Variants in EP400 observed in about 807,000 individuals in gnomAD.
EP400 encodes E1A binding protein p400.
In EP400, 105 loss-of-function variants were observed where a neutral mutation model predicts 354.1. The ratio of observed to expected loss-of-function variants is 0.30; its 90% CI spans 0.25 to 0.35. The LOEUF (loss-of-function observed/expected upper bound fraction) is 0.35, where lower values mean the gene tolerates loss of function less well. Ranked by LOEUF, EP400 falls within the 10% of genes least tolerant of loss-of-function variation. The probability of loss-of-function intolerance (pLI) is 1.00; values close to 1 mark genes in which losing one functional copy is unlikely to be tolerated. For synonymous variants in EP400, 1,646 were observed against 1,716.9 expected, an observed-to-expected ratio of 0.96 and a Z score of 1.02; for missense variants, 3,280 against 4,121.0, an observed-to-expected ratio of 0.80 and a Z score of 5.59.
rs1050319881 is a variant in EP400, at chr12:132,027,845, A to G, written c.5110-172A>G. Among the ~76,000 whole-genome samples, 1 of 151,798 alleles carries G rather than the reference A, an allele frequency of 6.6e-6. No individual in the cohort carries two copies. The highest frequency in any genetic ancestry group is 2.4e-5 in the African/African-American group (1 of 41,282). ...TGCTCTCGGCTTCATTTCCATCTCT[A>G]TTTCCTGTAGCTCTCGGCTTCATTT... is the stretch of plus-strand genomic sequence containing the variant. On this transcript the variant is annotated intron_variant, in intron 26 of 52. Transcript: ENST00000389561. This position sits in a 1 kb window ranked among gnomAD's most constrained non-coding sequence, Gnocchi z 4.9.
chr12:132,069,804 T>G (rs1004508850), intron 51 of EP400, among the ~76,000 whole-genome samples, 163 bp downstream of exon 51: 1 of 152,136 alleles, frequency 6.6e-6, no homozygotes, highest in Non-Finnish European at 1.5e-5. Flanking sequence ...CCCCTCTGGC[T>G]CCTGGGAAGG....
intron 15 of EP400, among the ~76,000 whole-genome samples, chr12:132,007,939 C>A (rs1376885547): frequency 9.7e-6 from 1 of 103,084 alleles, no homozygotes; most frequent in African/African-American, 4.0e-5. Context: ...GTCCCTTCAC[C>A]TCCAGCGAGG....
chr12:132,013,346 G>T lies in EP400; in HGVS notation c.3612-144G>T. 1 of 1,388,528 alleles carries T rather than the reference G, an allele frequency of 7.2e-7. No homozygotes were observed. The highest frequency in any genetic ancestry group is 2.3e-5 in the East Asian group (1 of 42,788). 86.0% of individuals were successfully genotyped at this position (1,388,528 alleles called of 1,614,324 possible). ...CAGAGAGCCCCAGAGCTGGGTCAGTGCAGCCCCCCTTTTCAGGCATGTGCA... is the reference window on the plus strand; with the variant it reads ...CAGAGAGCCCCAGAGCTGGGTCAGTTCAGCCCCCCTTTTCAGGCATGTGCA... On this transcript the variant is annotated intron_variant, in intron 17 of 52. Transcript: ENST00000389561. This position sits in a 1 kb window ranked among gnomAD's most constrained non-coding sequence, Gnocchi z 4.5.
At chr12:132,002,727 C>T (rs1045005900) in intron 12 of EP400, among the ~76,000 whole-genome samples, 8 of 152,216 alleles carry the variant, frequency 5.3e-5, no homozygotes, top group South Asian at 4.1e-4. Flanking sequence ...AAGTCACCTA[C>T]GGTCATTCTC....
In EP400 at chr12:131,971,134, G is replaced by T. The variant is rs570381521; in HGVS notation, c.1336-8560G>T. ...CGGGAAGATCGCTTGAGCCCAGGAG[G>T]TTGAGGCTGCAGTGAGCTGTGATTG... On this transcript the variant is annotated intron_variant, in intron 2 of 52. Transcript: ENST00000389561. Among the ~76,000 whole-genome samples the T allele has an allele frequency of 5.0e-4, 76 of 152,212 alleles. 1 individual carries two copies. Among genetic ancestry groups the T allele is most frequent in the African/African-American group, 1.8e-3 (74 of 41,528 alleles).
At chr12:132,041,665 G>C (rs1894914537) in intron 32 of EP400, among the ~76,000 whole-genome samples, 1 of 152,180 alleles carries the variant, frequency 6.6e-6, no homozygotes, top group African/African-American at 2.4e-5. Flanking sequence ...TGCAATTCAG[G>C]CTGCTTATGT....
At position 132,028,683 on chromosome 12, in the gene EP400, C is replaced by T. The variant is rs118032974; in HGVS notation, c.5381+395C>T. Among the ~76,000 whole-genome samples the T allele has an allele frequency of 4.3e-4, 66 of 152,286 alleles. No homozygotes were observed. In the East Asian group the frequency reaches 9.1e-3, roughly 21 times the overall value. On this transcript the variant is annotated intron_variant, in intron 27 of 52. Transcript: ENST00000389561. The stretch of plus-strand genomic sequence containing the variant: ...ATGTGGGCAGGAGTTGATCTCAGAA[C>T]GTGCTTTAATGGAGAGCAAATCTGA...
Position 132,018,398 on chromosome 12 carries a change from C to A in EP400, c.4277+22C>A. The A allele has an allele frequency of 6.3e-7, 1 of 1,575,774 alleles. No individual in the cohort carries two copies. Among genetic ancestry groups the A allele is most frequent in the South Asian group, 1.2e-5 (1 of 85,532 alleles). ...GCAGGTGCGTGCGACCCAGAGGCAG[C>A]GGGGAGGGTTGGCTCCCAGGGCCCC... On this transcript the variant is annotated intron_variant, in intron 21 of 52. Coordinates refer to ENST00000389561, the MANE Select transcript of EP400 (RefSeq NM_015409.5). The surrounding 1 kb of genome is among the most constrained non-coding windows in gnomAD (Gnocchi z 4.0).
At chr12:131,985,085 A>G (rs114320867) in intron 5 of EP400, among the ~76,000 whole-genome samples, 2,351 of 152,130 alleles carry the variant, frequency 0.015, 62 homozygotes, top group African/African-American at 0.053. Context: ...GAAACTCCTA[A>G]CCTCAACTAA....
chr12:132,048,102 A>T (rs1027173578), intron 39 of EP400, among the ~76,000 whole-genome samples: 1 of 152,186 alleles, frequency 6.6e-6, no homozygotes, highest in Non-Finnish European at 1.5e-5. Context: ...CCCAGATTTC[A>T]TATTGTTCAA....
At chr12:132,021,678 C>G (rs530387648) in intron 23 of EP400, among the ~76,000 whole-genome samples, 1 of 152,190 alleles carries the variant, frequency 6.6e-6, no homozygotes, top group African/African-American at 2.4e-5. Flanking sequence ...GCAGATGCTC[C>G]TAGAGTGACA....
chr12:132,051,708 A>G (rs1211222932), intron 41 of EP400, among the ~76,000 whole-genome samples: 1 of 152,224 alleles, frequency 6.6e-6, no homozygotes, highest in Non-Finnish European at 1.5e-5. Context: ...GAAGCACAGC[A>G]TCACAGGGAG....
chr12:132,042,852 C>T (rs1281359532), intron 32 of EP400, among the ~76,000 whole-genome samples: 2 of 152,184 alleles, frequency 1.3e-5, no homozygotes, highest in African/African-American at 4.8e-5. Context: ...GGACTTGCTC[C>T]GGCTGCTGTA....
chr12:132,038,439 C>T lies in EP400; in HGVS notation c.6207+343C>T, dbSNP rs1894787739. Among the ~76,000 whole-genome samples the T allele has an allele frequency of 6.6e-6, 1 of 152,218 alleles. No homozygotes were observed. The highest frequency in any genetic ancestry group is 2.1e-4 in the South Asian group (1 of 4,836). On this transcript the variant is annotated intron_variant, in intron 32 of 52. Transcript: ENST00000389561. The surrounding 1 kb of genome is among the most constrained non-coding windows in gnomAD (Gnocchi z 4.2). ...GGAGGCTCTGCGGGCACTACCCCTA[C>T]TCCCCTCTAGCTGGCTGTGTTGGCT...
chr12:132,012,481 T>C (rs1429924280), intron 16 of EP400, among the ~76,000 whole-genome samples: 1 of 152,198 alleles, frequency 6.6e-6, no homozygotes, highest in Non-Finnish European at 1.5e-5. Flanking sequence ...CCTTTCATAC[T>C]GCACAAGTTC....
chr12:132,041,356 A>G (rs1894899631), intron 32 of EP400, among the ~76,000 whole-genome samples: 2 of 152,266 alleles, frequency 1.3e-5, no homozygotes, highest in Non-Finnish European at 2.9e-5. Context: ...CCTGGTAGCC[A>G]GCATCTGGTG....
intron 2 of EP400, among the ~76,000 whole-genome samples, chr12:131,974,665 T>C (rs540286375): frequency 1.0e-3 from 155 of 152,278 alleles, no homozygotes; most frequent in African/African-American, 3.5e-3. Context: ...ATTCTCTTTT[T>C]TAAAGAATTG....
intron 7 of EP400, 88 bp downstream of exon 7, chr12:131,987,978 A>G: frequency 1.4e-6 from 1 of 710,990 alleles, no homozygotes; most frequent in Non-Finnish European, 1.9e-6. Flanking sequence ...AGGTCTCCAG[A>G]CCCACTTTTT....
rs1350417281 is a variant in EP400, at chr12:132,018,104, G to A, written c.4111-106G>A. 1.7e-5 allele frequency: 24 copies of A among 1,403,234 alleles called. No individual in the cohort carries two copies. The highest frequency in any genetic ancestry group is 2.9e-5 in the African/African-American group (2 of 68,990). The allele number at this position is 1,403,234 out of a possible 1,614,324, so 86.9% of individuals were successfully genotyped here. A position where few individuals can be genotyped will look rare whatever the true frequency, so the allele number is the denominator to read the frequency against. On this transcript the variant is annotated intron_variant, in intron 20 of 52. Transcript: ENST00000389561. The surrounding 1 kb of genome is among the most constrained non-coding windows in gnomAD (Gnocchi z 4.0). ...TTGCCGAGTGGCCGTTAGAGGGGGC[G>A]CGTCTGGATGCCCACGTTAGGGCCC...
Sources: gnomAD v4.1 joint callset for allele counts (sites outside exome capture counted in the v4.1 genomes callset) on GRCh38, gnomAD v4.1.1 for gene constraint, Gnocchi (gnomAD v3.1) non-coding constraint, MANE v1.5 for transcripts, NCBI Gene and HGNC (gene_info 2026-07-23, HGNC 2026-07-21) for gene names.